The following CEP135 variants were observed in gnomAD, a reference collection of about 807,000 sequenced individuals.
CEP135 encodes centrosomal protein 135, also known as centrosomal protein of 135 kDa.
In CEP135, 142 loss-of-function variants were observed where a neutral mutation model predicts 157.3. That is an observed-to-expected ratio of 0.90 (90% CI 0.79 to 1.04). The LOEUF (loss-of-function observed/expected upper bound fraction) is 1.04, where lower values mean the gene tolerates loss of function less well. Ranked by LOEUF, CEP135 falls within the 50% of genes least tolerant of loss-of-function variation. The pLI is 0.00. For missense variants in CEP135, 1,317 were observed against 1,309.2 expected (o/e 1.01, Z -0.09); for synonymous variants, 396 against 439.8 (o/e 0.90, Z 1.25).
chr4:55,989,517 A>T (rs1217238567), intron 14 of CEP135, among the ~76,000 whole-genome samples: 1 of 152,226 alleles, frequency 6.6e-6, no homozygotes, highest in Admixed American at 6.5e-5. Context: ...TCCTTAAAGG[A>T]AAACACTGAT....
chr4:55,957,168 T>C, intron 4 of CEP135, 55 bp from the exon 5 acceptor site: 1 of 1,581,574 alleles, frequency 6.3e-7, no homozygotes. Flanking sequence ...GAATATTTAA[T>C]TCTAAGACAT....
chr4:56,013,769 T>G (rs560162415), intron 21 of CEP135, among the ~76,000 whole-genome samples: 8 of 152,256 alleles, frequency 5.3e-5, no homozygotes, highest in Non-Finnish European at 1.2e-4. Context: ...AAGTATTGAC[T>G]ATCTGTAGCA....
intron 14 of CEP135, 53 bp downstream of exon 14, chr4:55,985,411 C>G: frequency 1.3e-6 from 1 of 796,710 alleles, no homozygotes; most frequent in Non-Finnish European, 2.0e-6. Context: ...ATAACTATGT[C>G]AATTACAGTT....
At chr4:55,990,980 CTT>C (rs35404437) in intron 14 of CEP135, among the ~76,000 whole-genome samples, 9 of 147,132 alleles carry the variant, frequency 6.1e-5, no homozygotes, top group African/African-American at 1.2e-4. Context: ...ATTATAATAA[CTT>C]TTTTTTTTTT....
chr4:55,959,780 T>G lies in CEP135; in HGVS notation c.699+14T>G. On this transcript the variant is annotated intron_variant, in intron 6 of 25. Coordinates refer to ENST00000257287, the MANE Select transcript of CEP135 (RefSeq NM_025009.5). ...TATAGCAAGCAGGTAGGATTTTTAT[T>G]TACTTGCATAGTAGGGATTGAGATA... 6 of 1,584,966 alleles carry G rather than the reference T, an allele frequency of 3.8e-6. No homozygotes were observed. The highest frequency in any genetic ancestry group is 4.3e-6 in the Non-Finnish European group (5 of 1,153,442).
In CEP135 at chr4:56,032,139, C is replaced by T. The variant is rs1160827662; in HGVS notation, c.*791C>T. 1 of 152,082 alleles carries T rather than the reference C, an allele frequency of 6.6e-6. No individual in the cohort carries two copies. The highest frequency in any genetic ancestry group is 1.5e-5 in the Non-Finnish European group (1 of 68,016). 9.4% of individuals were successfully genotyped at this position (152,082 alleles called of 1,614,324 possible). A position where few individuals can be genotyped will look rare whatever the true frequency, so the allele number is the denominator to read the frequency against. On this transcript the variant is annotated 3_prime_UTR_variant, in exon 26 of 26. Coordinates refer to ENST00000257287, the MANE Select transcript of CEP135 (RefSeq NM_025009.5). ...TCCTCGGTGTATTAATCTAAGGTTTCAAAGTATAAAAGTATATGGGGTAGG... is the reference window on the plus strand; with the variant it reads ...TCCTCGGTGTATTAATCTAAGGTTTTAAAGTATAAAAGTATATGGGGTAGG...
chr4:55,953,515 A>G (rs1381034496), intron 3 of CEP135, among the ~76,000 whole-genome samples: 3 of 152,114 alleles, frequency 2.0e-5, no homozygotes, highest in Non-Finnish European at 4.4e-5. Context: ...AAAAGAAAAG[A>G]AAAGAAAATA....
chr4:55,992,159 C>G, intron 15 of CEP135, 74 bp downstream of exon 15: 1 of 1,420,734 alleles, frequency 7.0e-7, no homozygotes, highest in Admixed American at 2.4e-5. Flanking sequence ...ATAATCATGG[C>G]ATTTTGGACT....
chr4:55,984,567 T>C (rs1358481404), intron 13 of CEP135, among the ~76,000 whole-genome samples: 2 of 152,234 alleles, frequency 1.3e-5, no homozygotes, highest in African/African-American at 4.8e-5. Context: ...GTGCTTGGTA[T>C]AGAGTATGTA....
chr4:55,974,291 A>T (rs746698387), intron 10 of CEP135, among the ~76,000 whole-genome samples: 2 of 152,204 alleles, frequency 1.3e-5, no homozygotes, highest in African/African-American at 2.4e-5. Flanking sequence ...TGAAGAGGCA[A>T]TTTCTATGGT....
rs115190853 is a variant in CEP135 at position 55,997,846 on chromosome 4, G to A, written c.2010-1456G>A. Reference sequence around the variant, plus strand: ...ATGGAACAGCAGTTCTAGCTTTTAGGAATAGTGTGAATACGGTGCAGTCAC... The same window carrying A: ...ATGGAACAGCAGTTCTAGCTTTTAGAAATAGTGTGAATACGGTGCAGTCAC... On this transcript the variant is annotated intron_variant, in intron 15 of 25. Transcript: ENST00000257287. 6.7e-3 allele frequency among the ~76,000 whole-genome samples: 1,015 copies of A among 152,286 alleles called. 6 individuals carry two copies. The highest frequency in any genetic ancestry group is 0.011 in the Non-Finnish European group (742 of 68,024).
chr4:56,021,287 A>G (rs1730966009), intron 24 of CEP135, among the ~76,000 whole-genome samples: 2 of 152,148 alleles, frequency 1.3e-5, no homozygotes, highest in Non-Finnish European at 2.9e-5. Context: ...CCCACCAACA[A>G]TCTATTATTA....
intron 13 of CEP135, among the ~76,000 whole-genome samples, chr4:55,981,917 A>G (rs923033434): frequency 1.3e-5 from 2 of 152,156 alleles, no homozygotes; most frequent in African/African-American, 4.8e-5. Flanking sequence ...ATATTGAAAA[A>G]TCTTAAGCCA....
At chr4:55,954,839 CT>C (rs1728459946) in intron 4 of CEP135, among the ~76,000 whole-genome samples, 1 of 152,156 alleles carries the variant, frequency 6.6e-6, no homozygotes, top group Non-Finnish European at 1.5e-5. Context: ...AATCCCACCA[CT>C]TTGGGAGGCT....
At chr4:55,996,565 A>C (rs1051595452) in intron 15 of CEP135, among the ~76,000 whole-genome samples, 7 of 152,118 alleles carry the variant, frequency 4.6e-5, no homozygotes, top group Non-Finnish European at 1.0e-4. Context: ...CCCCATCCAG[A>C]AATCTAAAAG....
intron 6 of CEP135, among the ~76,000 whole-genome samples, chr4:55,961,568 C>T (rs1431930235): frequency 2.6e-5 from 4 of 151,742 alleles, no homozygotes; most frequent in Non-Finnish European, 5.9e-5. Flanking sequence ...AGTTGGCGAC[C>T]AGCCTGACCA....
chr4:55,957,513 G>T, intron 5 of CEP135, 149 bp downstream of exon 5: 1 of 603,996 alleles, frequency 1.7e-6, no homozygotes, highest in Non-Finnish European at 2.7e-6. Context: ...AATACTTCCA[G>T]ATTGATATAA....
At chr4:56,022,906 G>A (rs1258463555) in intron 24 of CEP135, among the ~76,000 whole-genome samples, 1 of 152,026 alleles carries the variant, frequency 6.6e-6, no homozygotes, top group Non-Finnish European at 1.5e-5. Context: ...GACCAGCCTG[G>A]GCAATATAGT....
Position 55,985,346 on chromosome 4 carries a change from T to G in CEP135, c.1845T>G (p.Cys615Trp), listed in dbSNP as rs745420713. Residue 615 changes from cysteine to tryptophan, a missense_variant, in exon 14 of 26, where the codon TGT becomes TGG. By Grantham distance (215) the Cys-to-Trp change is radical (BLOSUM62 -2). Coordinates refer to ENST00000257287, the MANE Select transcript of CEP135 (RefSeq NM_025009.5). ...ELEKTIEHLT[C>W]VNHQLESEKY... Reference sequence around the variant, plus strand: ...AGAAAACTATTGAACATTTGACATGTGTTAATCATCAGGTAATGTATCAAA... The same window carrying G: ...AGAAAACTATTGAACATTTGACATGGGTTAATCATCAGGTAATGTATCAAA... 1 of 1,585,272 alleles carries G rather than the reference T, an allele frequency of 6.3e-7. No homozygotes were observed. The highest frequency in any genetic ancestry group is 1.1e-5 in the South Asian group (1 of 89,084).
Sources: allele counts gnomAD v4.1 joint callset (sites outside exome capture counted in the v4.1 genomes callset), GRCh38; gene constraint gnomAD v4.1.1; transcripts MANE v1.5; gene names NCBI Gene and HGNC (gene_info 2026-07-23, HGNC 2026-07-21).